TCF20: variants seen among roughly 807,000 people sequenced by gnomAD.
TCF20 encodes transcription factor 20, also known as SPRE-binding protein.
Under a neutral mutation model 148.6 loss-of-function variants are expected in TCF20, and 3 were observed. The ratio of observed to expected loss-of-function variants is 0.02; its 90% CI spans 0.01 to 0.05. The LOEUF (loss-of-function observed/expected upper bound fraction) is 0.05, where lower values mean the gene tolerates loss of function less well. Among genes scored for constraint, TCF20 ranks in the 10% least tolerant of loss-of-function variants. The pLI is 1.00. For missense variants in TCF20, 2,350 were observed against 2,429.3 expected, an observed-to-expected ratio of 0.97 and a Z score of 0.69; for synonymous variants, 1,049 against 909.5, an observed-to-expected ratio of 1.15 and a Z score of -2.76.
At chr22:42,184,331 G>GT (rs1211064051) in intron 2 of TCF20, among the ~76,000 whole-genome samples, 1 of 152,140 alleles carries the variant, frequency 6.6e-6, no homozygotes, top group Non-Finnish European at 1.5e-5. Context: ...CATGACGCCT[G>GT]TTAGCCCCCT....
chr22:42,342,073 C>T (rs889660136), intron 1 of TCF20, among the ~76,000 whole-genome samples: 2 of 152,050 alleles, frequency 1.3e-5, no homozygotes, highest in Non-Finnish European at 1.5e-5. Context: ...GGGGTGAGGC[C>T]AGAGAGGTGG....
Position 42,213,611 on chromosome 22 carries a change from C to T in TCF20, c.1695G>A (p.Gln565=), listed in dbSNP as rs1921294855. The T allele has an allele frequency of 1.2e-6, 2 of 1,614,084 alleles. No individual in the cohort carries two copies. Among genetic ancestry groups the T allele is most frequent in the East Asian group, 4.5e-5 (2 of 44,880 alleles). The change falls in exon 2 of 6, where the codon CAG becomes CAA. Residue 565 remains glutamine, a synonymous_variant. Transcript: ENST00000677622. ...KAGSSPAQGA[Q]NEPPRLNASP... ...TAGCATTGAGTCTGGGGGGTTCATT[C>T]TGAGCACCTTGTGCCGGTGAGGAGC...
intron 1 of TCF20, among the ~76,000 whole-genome samples, chr22:42,238,236 T>C (rs1924054447): frequency 6.6e-6 from 1 of 152,248 alleles, no homozygotes; most frequent in African/African-American, 2.4e-5. Context: ...TCAAGAACTT[T>C]AGGAACCAAT....
chr22:42,204,556 G>A (rs1451874869), intron 2 of TCF20, among the ~76,000 whole-genome samples: 1 of 151,896 alleles, frequency 6.6e-6, no homozygotes, highest in African/African-American at 2.4e-5. Context: ...GAAATTTAAA[G>A]AAAATTGGCC....
chr22:42,189,512 T>C (rs1937218677), intron 2 of TCF20, among the ~76,000 whole-genome samples: 1 of 152,236 alleles, frequency 6.6e-6, no homozygotes, highest in Non-Finnish European at 1.5e-5. Flanking sequence ...AGAAACCTTT[T>C]ATAGAACACA....
chr22:42,314,742 A>G (rs189698619), intron 1 of TCF20, among the ~76,000 whole-genome samples: 58 of 152,324 alleles, frequency 3.8e-4, no homozygotes, highest in Admixed American at 9.8e-4. Context: ...TGTCTGCTGA[A>G]TGAAGGAAGG....
intron 1 of TCF20, among the ~76,000 whole-genome samples, chr22:42,320,039 C>G (rs1927703479): frequency 6.6e-6 from 1 of 152,234 alleles, no homozygotes; most frequent in African/African-American, 2.4e-5. Context: ...ATTCCCACCA[C>G]TGCCATCTCG....
At chr22:42,227,493 C>T (rs1239786573) in intron 1 of TCF20, among the ~76,000 whole-genome samples, 2 of 152,164 alleles carry the variant, frequency 1.3e-5, no homozygotes, top group Admixed American at 6.5e-5. Flanking sequence ...CAAGGACATT[C>T]TCCTCCATAA....
intron 1 of TCF20, among the ~76,000 whole-genome samples, 42 bp downstream of exon 1, chr22:42,270,297 G>A (rs1264494994): frequency 1.3e-5 from 2 of 151,922 alleles, no homozygotes; most frequent in African/African-American, 2.4e-5. Flanking sequence ...AGTCCTTCAG[G>A]CCCAACCCTC....
chr22:42,204,622 A>G (rs1380982459), intron 2 of TCF20, among the ~76,000 whole-genome samples: 1 of 152,178 alleles, frequency 6.6e-6, no homozygotes, highest in African/African-American at 2.4e-5. Flanking sequence ...AGGCAGGTGG[A>G]TCACTTGAGA....
intron 3 of TCF20, among the ~76,000 whole-genome samples, chr22:42,175,793 A>C (rs1310565412): frequency 2.0e-5 from 3 of 151,930 alleles, no homozygotes; most frequent in Non-Finnish European, 2.9e-5. Context: ...AACTCCCTGA[A>C]CTGACATTTC....
At chr22:42,237,662 C>G (rs1924004994) in intron 1 of TCF20, among the ~76,000 whole-genome samples, 1 of 152,214 alleles carries the variant, frequency 6.6e-6, no homozygotes, top group African/African-American at 2.4e-5. Context: ...TTAAATAAGA[C>G]TTGAAAATCA....
At chr22:42,241,587 G>C (rs946554857) in intron 1 of TCF20, among the ~76,000 whole-genome samples, 1 of 152,194 alleles carries the variant, frequency 6.6e-6, no homozygotes, top group African/African-American at 2.4e-5. Flanking sequence ...AGCACTTTGG[G>C]AGGCTGGGGC....
At chr22:42,207,909 C>T (rs1288624407) in intron 2 of TCF20, among the ~76,000 whole-genome samples, 1 of 152,176 alleles carries the variant, frequency 6.6e-6, no homozygotes, top group Non-Finnish European at 1.5e-5. Flanking sequence ...ATAGTACAGG[C>T]CAAGTGTAGT....
chr22:42,253,292 C>T (rs12165846), intron 1 of TCF20, among the ~76,000 whole-genome samples: 6,780 of 152,218 alleles, frequency 0.045, 205 homozygotes, highest in Non-Finnish European at 0.065. Flanking sequence ...AGTAGAGACG[C>T]TACTTGAGTT....
At chr22:42,249,147 A>C (rs1925157275) in intron 1 of TCF20, among the ~76,000 whole-genome samples, 1 of 152,198 alleles carries the variant, frequency 6.6e-6, no homozygotes, top group Non-Finnish European at 1.5e-5. Context: ...TTTGGACTCC[A>C]GGACTTAACC....
chr22:42,333,698 C>T (rs1928017579), intron 1 of TCF20, among the ~76,000 whole-genome samples: 2 of 152,230 alleles, frequency 1.3e-5, no homozygotes, highest in East Asian at 1.9e-4. Flanking sequence ...ATGCCTACTG[C>T]TCCACGCAGT....
At chr22:42,272,430 C>T (rs1227668101), upstream of TCF20, among the ~76,000 whole-genome samples, 1 of 152,120 alleles carries the variant, frequency 6.6e-6, no homozygotes, top group Non-Finnish European at 1.5e-5. Context: ...CCTTAGAGTC[C>T]CCTGCCCCAT....
At chr22:42,168,883 C>A (rs1333510691) in intron 4 of TCF20, 147 bp from the exon 5 acceptor site, 5 of 1,153,200 alleles carry the variant, frequency 4.3e-6, no homozygotes, top group Non-Finnish European at 5.8e-6. Flanking sequence ...GACATTCAGA[C>A]AGGGTTTTCT....
Sources: allele counts gnomAD v4.1 joint callset (sites outside exome capture counted in the v4.1 genomes callset), GRCh38; gene constraint gnomAD v4.1.1; transcripts MANE v1.5; gene names NCBI Gene and HGNC (gene_info 2026-07-23, HGNC 2026-07-21).